MIGA1: variants seen among roughly 807,000 people sequenced by gnomAD.
MIGA1 encodes the protein family with sequence similarity 73, member A.
Under a neutral mutation model 82.0 loss-of-function variants are expected in MIGA1, and 58 were observed. The observed-to-expected ratio is 0.71, with a 90% CI of 0.57 to 0.88. The LOEUF is 0.88. Ranked by LOEUF, MIGA1 falls within the 40% of genes least tolerant of loss-of-function variation. The pLI, the probability that MIGA1 is intolerant of heterozygous loss-of-function variation, is 0.00. For synonymous variants in MIGA1, 249 were observed against 253.6 expected, an observed-to-expected ratio of 0.98 and a Z score of 0.17; for missense variants, 751 against 749.1, an observed-to-expected ratio of 1.00 and a Z score of -0.03.
In MIGA1 at chr1:77,801,432, G is replaced by A. The variant is rs1472014924; in HGVS notation, c.297G>A (p.Lys99=). 11 of 1,608,944 alleles carry A rather than the reference G, an allele frequency of 6.8e-6. No individual in the cohort carries two copies. Among genetic ancestry groups the A allele is most frequent in the African/African-American group, 1.3e-5 (1 of 74,604 alleles). ...ATCACTTTAAAAGAAAACGTGGAAAGAAGAAAGGAAAAATATTACCATGGG... is the reference window on the plus strand; with the variant it reads ...ATCACTTTAAAAGAAAACGTGGAAAAAAGAAAGGAAAAATATTACCATGGG... Residue 99 remains lysine, a synonymous_variant, in exon 3 of 16, where the codon AAG becomes AAA. Transcript: ENST00000370791.
rs775913116 is a variant in MIGA1, at chr1:77,861,334, T to C, written c.1374+12T>C. On this transcript the variant is annotated intron_variant, in intron 12 of 15. Coordinates refer to ENST00000370791, the MANE Select transcript of MIGA1 (RefSeq NM_198549.4). ...TTGCTGCTAGAGGGGTAAATTCAAA[T>C]TTTTTGTGATATTTATTTTTCTTAG... 14 of 1,510,044 alleles carry C rather than the reference T, an allele frequency of 9.3e-6. No homozygotes were observed. The East Asian group carries it at 2.9e-4, about 32-fold the overall frequency. 93.5% of individuals were successfully genotyped at this position (1,510,044 alleles called of 1,614,324 possible).
chr1:77,871,821 G>GT (rs200917207), intron 14 of MIGA1, among the ~76,000 whole-genome samples: 24 of 151,544 alleles, frequency 1.6e-4, no homozygotes, highest in Admixed American at 6.6e-4. Context: ...CATTTTACTA[G>GT]TTTTTTTTTG....
At chr1:77,853,992 G>C (rs1449951554) in intron 8 of MIGA1, 1 of 186,000 alleles carries the variant, frequency 5.4e-6, no homozygotes, top group African/African-American at 2.4e-5. Context: ...CCTATCACCT[G>C]AGCAGTATAT....
chr1:77,843,798 T>A (rs1684714678), intron 8 of MIGA1, among the ~76,000 whole-genome samples: 1 of 152,070 alleles, frequency 6.6e-6, no homozygotes, highest in African/African-American at 2.4e-5. Flanking sequence ...AGATTATATA[T>A]ATATAAATAT....
chr1:77,844,122 A>C (rs1238211458), intron 8 of MIGA1, among the ~76,000 whole-genome samples: 4 of 109,910 alleles, frequency 3.6e-5, no homozygotes, highest in Admixed American at 1.8e-4. Context: ...AAATATATAT[A>C]TATATATATA....
chr1:77,803,870 A>G (rs2101757437), intron 4 of MIGA1, among the ~76,000 whole-genome samples: 1 of 152,316 alleles, frequency 6.6e-6, no homozygotes, highest in African/African-American at 2.4e-5. Context: ...GACTGCAGTC[A>G]ACACAAAGTA....
intron 2 of MIGA1, among the ~76,000 whole-genome samples, chr1:77,789,605 G>A (rs890755864): frequency 2.0e-5 from 3 of 151,952 alleles, no homozygotes; most frequent in East Asian, 1.9e-4. Context: ...TTTAAAAATC[G>A]TTTTGATCTT....
intron 7 of MIGA1, among the ~76,000 whole-genome samples, chr1:77,826,395 T>C (rs906985202): frequency 1.3e-5 from 2 of 152,234 alleles, no homozygotes; most frequent in African/African-American, 4.8e-5. Context: ...TTTTCCCTCA[T>C]CTCTGACCTT....
intron 10 of MIGA1, chr1:77,859,829 T>G: frequency 2.2e-6 from 1 of 458,586 alleles, no homozygotes; most frequent in East Asian, 3.5e-5. Context: ...GAATTTAAAT[T>G]CAAATTTAAC....
At chr1:77,780,137 A>G (rs1048129441) in intron 1 of MIGA1, 1 of 993,106 alleles carries the variant, frequency 1.0e-6, no homozygotes, top group African/African-American at 1.7e-5. Flanking sequence ...AAAGGAAGAC[A>G]GCAGAGGAGA....
intron 2 of MIGA1, among the ~76,000 whole-genome samples, chr1:77,792,096 T>C (rs1007486303): frequency 6.6e-6 from 1 of 152,178 alleles, no homozygotes; most frequent in Non-Finnish European, 1.5e-5. Context: ...AGCAACTTTA[T>C]TGAAATGCTA....
At position 77,875,832 on chromosome 1, in the gene MIGA1, T is replaced by A. The variant is rs1258425295; in HGVS notation, c.*768T>A. On this transcript the variant is annotated 3_prime_UTR_variant, in exon 16 of 16. Transcript: ENST00000370791. The stretch of plus-strand genomic sequence containing the variant: ...AGAGTTCCATGGAAATATTAAAATT[T>A]TTTTAAAAAATAAAAATAGGCTGGG... The A allele has an allele frequency of 6.6e-6, 1 of 152,096 alleles. No individual in the cohort carries two copies. The highest frequency in any genetic ancestry group is 1.9e-4 in the East Asian group (1 of 5,194). 9.4% of individuals were successfully genotyped at this position (152,096 alleles called of 1,614,324 possible).
intron 14 of MIGA1, among the ~76,000 whole-genome samples, chr1:77,870,025 C>T (rs1685877217): frequency 1.5e-5 from 2 of 130,394 alleles, no homozygotes; most frequent in East Asian, 2.5e-4. Flanking sequence ...TCCTCACTTC[C>T]CAGTAGGGGC....
At chr1:77,807,855 C>T (rs551644030) in intron 5 of MIGA1, among the ~76,000 whole-genome samples, 2 of 152,196 alleles carry the variant, frequency 1.3e-5, no homozygotes, top group South Asian at 4.2e-4. Flanking sequence ...GAGTCTCACT[C>T]TCGCCCAGGC....
chr1:77,852,046 G>A (rs1216508904), intron 8 of MIGA1, among the ~76,000 whole-genome samples: 3 of 151,784 alleles, frequency 2.0e-5, no homozygotes, highest in African/African-American at 7.3e-5. Flanking sequence ...CACCATACCC[G>A]GCTAATTTTT....
At chr1:77,794,093 A>G (rs1361040373) in intron 2 of MIGA1, among the ~76,000 whole-genome samples, 2 of 152,092 alleles carry the variant, frequency 1.3e-5, no homozygotes, top group Non-Finnish European at 2.9e-5. Flanking sequence ...CCGGCCTTAA[A>G]CTTTTATTTT....
At chr1:77,825,826 A>C (rs758642598) in intron 7 of MIGA1, among the ~76,000 whole-genome samples, 1 of 152,182 alleles carries the variant, frequency 6.6e-6, no homozygotes, top group Non-Finnish European at 1.5e-5. Context: ...ATAACTTAGT[A>C]ATTAAGAATA....
chr1:77,872,289 C>T (rs892670350), intron 14 of MIGA1, among the ~76,000 whole-genome samples: 6 of 152,080 alleles, frequency 3.9e-5, no homozygotes, highest in Non-Finnish European at 5.9e-5. Context: ...TTTTATGAAG[C>T]ATTTTTATGA....
intron 8 of MIGA1, among the ~76,000 whole-genome samples, chr1:77,858,469 A>G (rs1052337153): frequency 3.3e-5 from 5 of 152,374 alleles, no homozygotes; most frequent in Admixed American, 3.3e-4. Context: ...AGTAAAATCA[A>G]TTCAGATTTT....
Sources: gnomAD v4.1 joint callset for allele counts (sites outside exome capture counted in the v4.1 genomes callset) on GRCh38, gnomAD v4.1.1 for gene constraint, MANE v1.5 for transcripts, NCBI Gene and HGNC (gene_info 2026-07-23, HGNC 2026-07-21) for gene names.